Variants in FBXO45 observed in about 807,000 individuals in gnomAD.
FBXO45 encodes F-box protein 45, also known as F-box/SPRY domain-containing protein 1.
A neutral mutation model predicts 25.5 loss-of-function variants in FBXO45; 3 were observed. That is an observed-to-expected ratio of 0.12 (90% CI 0.05 to 0.30). The LOEUF is 0.30. FBXO45 is among the 10% of genes least tolerant of loss of function. The probability of loss-of-function intolerance (pLI) is 1.00; values close to 1 mark genes in which losing one functional copy is unlikely to be tolerated. For missense variants in FBXO45, 219 were observed against 365.0 expected, an observed-to-expected ratio of 0.60 and a Z score of 3.26; for synonymous variants, 155 against 149.8, an observed-to-expected ratio of 1.03 and a Z score of -0.25.
chr3:196,587,100 T>A lies in FBXO45; in HGVS notation c.*2782T>A, dbSNP rs1736125685. ...TTGACTTGGGAAACCTGGAGCACTT[T>A]CTTTGGTTGGTTAACGAAGCATGCA... On this transcript the variant is annotated 3_prime_UTR_variant, in exon 3 of 3. Coordinates refer to ENST00000311630, the MANE Select transcript of FBXO45 (RefSeq NM_001105573.2). The A allele has an allele frequency of 6.6e-6, 1 of 152,220 alleles. No homozygotes were observed. The highest frequency in any genetic ancestry group is 1.5e-5 in the Non-Finnish European group (1 of 68,030). 9.4% of individuals were successfully genotyped at this position (152,220 alleles called of 1,614,324 possible).
intron 2 of FBXO45, among the ~76,000 whole-genome samples, chr3:196,578,046 C>CTTTTTTTTTTTTTTTG: frequency 1.1e-5 from 1 of 94,100 alleles, no homozygotes; most frequent in Non-Finnish European, 1.9e-5. Context: ...GAAAAATATT[C>CTTTTTTTTTTTTTTTG]TTTTTTTTTT....
rs994992156 is a variant in FBXO45, at chr3:196,585,548, A to C, written c.*1230A>C. 3 of 152,224 alleles carry C rather than the reference A, an allele frequency of 2.0e-5. No homozygotes were observed. The highest frequency in any genetic ancestry group is 4.4e-5 in the Non-Finnish European group (3 of 68,036). 9.4% of individuals were successfully genotyped at this position (152,224 alleles called of 1,614,324 possible). On this transcript the variant is annotated 3_prime_UTR_variant, in exon 3 of 3. Coordinates refer to ENST00000311630, the MANE Select transcript of FBXO45 (RefSeq NM_001105573.2). ...TAGATAATTGCCCCCATGGGACTTG[A>C]AATACAACACCTTGTGCTGAAAACT...
At chr3:196,578,059 T>TTTTTTTTTTA (rs1318938537) in intron 2 of FBXO45, among the ~76,000 whole-genome samples, 2 of 148,834 alleles carry the variant, frequency 1.3e-5, no homozygotes, top group Non-Finnish European at 3.0e-5. Flanking sequence ...TTTTTTTTTT[T>TTTTTTTTTTA]AGACAGAATC....
chr3:196,572,739 G>A (rs781706287), intron 1 of FBXO45, among the ~76,000 whole-genome samples: 6 of 152,186 alleles, frequency 3.9e-5, no homozygotes, highest in African/African-American at 7.2e-5. Flanking sequence ...TAAATTGTTG[G>A]TTGGAAGAGG....
chr3:196,572,158 CAA>C (rs1735836330), intron 1 of FBXO45, among the ~76,000 whole-genome samples: 1 of 152,042 alleles, frequency 6.6e-6, no homozygotes, highest in African/African-American at 2.4e-5. Flanking sequence ...AGAAGCAGGA[CAA>C]GAGGAAAGTA....
chr3:196,569,113 G>T lies in FBXO45; in HGVS notation c.129G>T (p.Val43=). ...AGAGGRLPSR[V]LELVFSYLEL... is the part of the protein sequence containing the mutation. The stretch of plus-strand genomic sequence containing the variant: ...CCGGGGGCCGGCTGCCCAGCCGGGT[G>T]CTGGAGTTGGTGTTCTCTTACCTGG... Residue 43 remains valine (V), a synonymous_variant, in exon 1 of 3, where the codon GTG becomes GTT. Coordinates refer to ENST00000311630, the MANE Select transcript of FBXO45 (RefSeq NM_001105573.2). The surrounding 1 kb of genome is among the most constrained non-coding windows in gnomAD (Gnocchi z 4.1). The T allele has an allele frequency of 6.5e-7, 1 of 1,531,338 alleles. No individual in the cohort carries two copies. Among genetic ancestry groups the T allele is most frequent in the Non-Finnish European group, 8.8e-7 (1 of 1,135,014 alleles). The allele number at this position is 1,531,338 out of a possible 1,614,324, so 94.9% of individuals were successfully genotyped here.
At position 196,584,324 on chromosome 3, in the gene FBXO45, G is replaced by A. The variant is rs776823481; in HGVS notation, c.*6G>A. ...GAAAACCTTTGGACGGATGACAGTG[G>A]CTTTCTTGTGATGACAGACAGAATG... is the stretch of plus-strand genomic sequence containing the variant. On this transcript the variant is annotated 3_prime_UTR_variant, in exon 3 of 3. Coordinates refer to ENST00000311630, the MANE Select transcript of FBXO45 (RefSeq NM_001105573.2). The surrounding 1 kb of genome is among the most constrained non-coding windows in gnomAD (Gnocchi z 4.3). 1.3e-6 allele frequency: 2 copies of A among 1,595,574 alleles called. No homozygotes were observed. The highest frequency in any genetic ancestry group is 4.5e-5 in the East Asian group (2 of 44,552).
At chr3:196,570,796 C>T (rs1339917354) in intron 1 of FBXO45, among the ~76,000 whole-genome samples, 1 of 150,478 alleles carries the variant, frequency 6.6e-6, no homozygotes, top group Non-Finnish European at 1.5e-5. Flanking sequence ...ACTGCAACCT[C>T]CGCCTCCCGG....
intron 1 of FBXO45, among the ~76,000 whole-genome samples, chr3:196,576,136 C>T (rs1735910005): frequency 6.6e-6 from 1 of 152,212 alleles, no homozygotes; most frequent in South Asian, 2.1e-4. Context: ...CTGCAGCTCA[C>T]TGAAACGGTA....
At chr3:196,570,155 G>A (rs772448709) in intron 1 of FBXO45, among the ~76,000 whole-genome samples, 6 of 152,274 alleles carry the variant, frequency 3.9e-5, no homozygotes, top group Non-Finnish European at 7.3e-5. Flanking sequence ...ATGGTTAACA[G>A]CTATTCAGTA....
chr3:196,573,536 C>T (rs1438144420), intron 1 of FBXO45, among the ~76,000 whole-genome samples: 4 of 151,974 alleles, frequency 2.6e-5, no homozygotes, highest in Non-Finnish European at 5.9e-5. Flanking sequence ...ACAGGTACAT[C>T]GAGGAGAGAA....
At chr3:196,572,814 A>G (rs1735849950) in intron 1 of FBXO45, among the ~76,000 whole-genome samples, 1 of 152,224 alleles carries the variant, frequency 6.6e-6, no homozygotes, top group East Asian at 1.9e-4. Context: ...GGGCAGATTT[A>G]GTAAGTAAAA....
intron 2 of FBXO45, among the ~76,000 whole-genome samples, chr3:196,578,599 G>A (rs184711131): frequency 1.1e-4 from 16 of 151,844 alleles, no homozygotes; most frequent in African/African-American, 3.6e-4. Context: ...TCGATAATAC[G>A]TAAATGAACG....
chr3:196,576,698 A>T (rs1448507246), intron 1 of FBXO45, among the ~76,000 whole-genome samples: 2 of 152,238 alleles, frequency 1.3e-5, no homozygotes. Flanking sequence ...TCTTATTGAT[A>T]GCTTCTCTTC....
At chr3:196,571,650 G>T (rs1735828068) in intron 1 of FBXO45, among the ~76,000 whole-genome samples, 1 of 152,198 alleles carries the variant, frequency 6.6e-6, no homozygotes, top group African/African-American at 2.4e-5. Flanking sequence ...GAAGCAAAAT[G>T]ATATCAAGCA....
chr3:196,569,728 C>G lies in FBXO45; in HGVS notation c.318+426C>G, dbSNP rs1035080332. Reference sequence around the variant, plus strand: ...AAGTTTCTAGTTTGCTTTCACTCCACGTTTATCTCATCTTTTCCAAGCTCT... The same window carrying G: ...AAGTTTCTAGTTTGCTTTCACTCCAGGTTTATCTCATCTTTTCCAAGCTCT... On this transcript the variant is annotated intron_variant, in intron 1 of 2. Transcript: ENST00000311630. This position sits in a 1 kb window ranked among gnomAD's most constrained non-coding sequence, Gnocchi z 4.1. 1.6e-4 allele frequency among the ~76,000 whole-genome samples: 24 copies of G among 152,210 alleles called. No individual in the cohort carries two copies. The highest frequency in any genetic ancestry group is 5.8e-4 in the African/African-American group (24 of 41,460).
At chr3:196,582,391 A>G (rs1245729759) in intron 2 of FBXO45, among the ~76,000 whole-genome samples, 5 of 152,182 alleles carry the variant, frequency 3.3e-5, no homozygotes, top group Admixed American at 6.5e-5. Context: ...GGAGGTTCTT[A>G]GATCCATAAA....
chr3:196,570,517 G>A lies in FBXO45; in HGVS notation c.318+1215G>A, dbSNP rs146275588. Among the ~76,000 whole-genome samples the A allele has an allele frequency of 2.3e-3, 345 of 152,220 alleles. 4 individuals are homozygous for A. The East Asian group carries it at 0.032, about 14-fold the overall frequency. On this transcript the variant is annotated intron_variant, in intron 1 of 2. Coordinates refer to ENST00000311630, the MANE Select transcript of FBXO45 (RefSeq NM_001105573.2). ...CTCCCAGAGTGCTGGGATTAGAGGC[G>A]TGAGCCACCGCGCGATAACACCCCC...
chr3:196,572,719 T>G (rs1157849748), intron 1 of FBXO45, among the ~76,000 whole-genome samples: 2 of 152,170 alleles, frequency 1.3e-5, no homozygotes, highest in Non-Finnish European at 2.9e-5. Flanking sequence ...CTGACTTTAG[T>G]ATGGAGAACT....
Sources: gnomAD v4.1 joint callset for allele counts (sites outside exome capture counted in the v4.1 genomes callset) on GRCh38, gnomAD v4.1.1 for gene constraint, Gnocchi (gnomAD v3.1) non-coding constraint, MANE v1.5 for transcripts, NCBI Gene and HGNC (gene_info 2026-07-23, HGNC 2026-07-21) for gene names.